Variants in CNTNAP2 observed in about 807,000 individuals in gnomAD.
The protein encoded by CNTNAP2 is contactin associated protein 2.
Under a neutral mutation model 155.2 loss-of-function variants are expected in CNTNAP2, and 98 were observed. That is an observed-to-expected ratio of 0.63 (90% confidence interval 0.54 to 0.75). The LOEUF (loss-of-function observed/expected upper bound fraction) is 0.75. CNTNAP2 is among the 30% of genes least tolerant of loss of function. CNTNAP2 has a pLI of 0.00. For synonymous variants in CNTNAP2, 651 were observed against 631.2 expected (o/e 1.03, Z -0.47); for missense variants, 1,727 against 1,688.1 (o/e 1.02, Z -0.40).
intron 13 of CNTNAP2, among the ~76,000 whole-genome samples, chr7:147,722,867 C>T (rs1270584793): frequency 1.3e-5 from 2 of 152,058 alleles, no homozygotes; most frequent in East Asian, 3.9e-4. Context: ...AAGCTAGAAT[C>T]ACTGTAAGAT....
intron 13 of CNTNAP2, among the ~76,000 whole-genome samples, chr7:147,837,415 G>A (rs541074819): frequency 6.6e-6 from 1 of 152,198 alleles, no homozygotes; most frequent in East Asian, 1.9e-4. Flanking sequence ...AATTGTGGGA[G>A]CTACAATTCA....
intron 1 of CNTNAP2, among the ~76,000 whole-genome samples, chr7:146,447,239 T>A (rs1277259386): frequency 1.3e-5 from 2 of 151,998 alleles, no homozygotes; most frequent in Non-Finnish European, 2.9e-5. Flanking sequence ...CAATGGAGAG[T>A]GTACGCCACA....
intron 1 of CNTNAP2, among the ~76,000 whole-genome samples, chr7:146,131,976 T>A (rs756691969): frequency 4.0e-4 from 61 of 152,210 alleles, no homozygotes; most frequent in Admixed American, 7.9e-4. Flanking sequence ...CTGCCGTGAT[T>A]GTAAGTTTCC....
At chr7:148,350,715 TC>T (rs1250914432) in intron 21 of CNTNAP2, among the ~76,000 whole-genome samples, 1 of 152,216 alleles carries the variant, frequency 6.6e-6, no homozygotes, top group Non-Finnish European at 1.5e-5. Flanking sequence ...CTTGTTGCAG[TC>T]ATATATTTCG....
chr7:146,784,625 C>T lies in CNTNAP2; in HGVS notation c.208+10244C>T, dbSNP rs185892259. Reference sequence around the variant, plus strand: ...CCATAGGAGACATCTTGGGCCACTTCCTACTTGTGTTCAATTGCCAAAATT... The same window carrying T: ...CCATAGGAGACATCTTGGGCCACTTTCTACTTGTGTTCAATTGCCAAAATT... On this transcript the variant is annotated intron_variant, in intron 2 of 23. Coordinates refer to ENST00000361727, the MANE Select transcript of CNTNAP2 (RefSeq NM_014141.6). 2.7e-3 allele frequency among the ~76,000 whole-genome samples: 415 copies of T among 152,314 alleles called. 2 individuals carry two copies. Among genetic ancestry groups the T allele is most frequent in the Admixed American group, 4.2e-3 (64 of 15,306 alleles).
At chr7:148,134,083 T>C (rs975852991) in intron 16 of CNTNAP2, among the ~76,000 whole-genome samples, 3 of 152,196 alleles carry the variant, frequency 2.0e-5, no homozygotes, top group Non-Finnish European at 4.4e-5. Flanking sequence ...TGTTAAGAGT[T>C]TGACAAATGA....
intron 1 of CNTNAP2, among the ~76,000 whole-genome samples, chr7:146,600,411 C>A (rs1423820670): frequency 1.3e-5 from 2 of 151,990 alleles, no homozygotes; most frequent in Non-Finnish European, 2.9e-5. Context: ...TTTAAAAAGA[C>A]GTTTTAAAAT....
rs576067717 is a variant in CNTNAP2, at chr7:147,255,953, C to T, written c.1349-44188C>T. Among the ~76,000 whole-genome samples the T allele has an allele frequency of 6.6e-5, 10 of 152,168 alleles. No homozygotes were observed. The East Asian group carries it at 1.6e-3, about 24-fold the overall frequency. On this transcript the variant is annotated intron_variant, in intron 8 of 23. Coordinates refer to ENST00000361727, the MANE Select transcript of CNTNAP2 (RefSeq NM_014141.6). ...ACAGGATTTCACTACATTGGCCAGG[C>T]TGGTCTCGAACTCCTCACCTCAAGG... is the stretch of plus-strand genomic sequence containing the variant.
intron 13 of CNTNAP2, among the ~76,000 whole-genome samples, chr7:147,820,780 A>T (rs76366542): frequency 0.063 from 9,518 of 152,188 alleles, 518 homozygotes; most frequent in East Asian, 0.18. Context: ...ACTTTCCTTA[A>T]TGAATTCCCT....
intron 1 of CNTNAP2, among the ~76,000 whole-genome samples, chr7:146,543,428 C>T (rs1392067277): frequency 2.6e-5 from 4 of 151,782 alleles, no homozygotes; most frequent in Non-Finnish European, 5.9e-5. Context: ...AGCCCCCTCC[C>T]ATAAGTAAGG....
intron 1 of CNTNAP2, among the ~76,000 whole-genome samples, chr7:146,131,759 T>A (rs11976270): frequency 3.3e-5 from 5 of 151,970 alleles, no homozygotes; most frequent in African/African-American, 9.7e-5. Context: ...ATGGTTTGGC[T>A]CTGTGTCCCC....
At chr7:146,274,822 T>C (rs777066033) in intron 1 of CNTNAP2, among the ~76,000 whole-genome samples, 5 of 152,172 alleles carry the variant, frequency 3.3e-5, no homozygotes, top group Non-Finnish European at 7.4e-5. Flanking sequence ...TTAACCTACA[T>C]TTCGAGCAAA....
At chr7:148,065,206 C>T (rs200157779) in intron 15 of CNTNAP2, among the ~76,000 whole-genome samples, 2 of 152,092 alleles carry the variant, frequency 1.3e-5, no homozygotes, top group African/African-American at 4.8e-5. Flanking sequence ...GTTTTGTGGC[C>T]TATCATATGG....
chr7:148,056,709 A>G (rs1803017436), intron 15 of CNTNAP2: 1 of 152,164 alleles, frequency 6.6e-6, no homozygotes, highest in African/African-American at 2.4e-5. Flanking sequence ...TGGTTCAAAT[A>G]TTTTTGTACA....
At chr7:147,969,098 T>C (rs375699543) in intron 14 of CNTNAP2, among the ~76,000 whole-genome samples, 20 of 152,198 alleles carry the variant, frequency 1.3e-4, no homozygotes, top group African/African-American at 4.8e-4. Flanking sequence ...AATGTCTTGC[T>C]CTATATGGTG....
intron 5 of CNTNAP2, among the ~76,000 whole-genome samples, chr7:147,116,091 G>A (rs368771674): frequency 1.2e-3 from 177 of 152,228 alleles, no homozygotes; most frequent in African/African-American, 4.2e-3. Flanking sequence ...GGTTTGCTGG[G>A]AGTCCACTCG....
At position 146,157,329 on chromosome 7, in the gene CNTNAP2, G is replaced by A. The variant is rs199936214; in HGVS notation, c.97+40356G>A. ...ACAGCTCCAGTCTGCAGCTCCCAGC[G>A]TGAGCAACGCAGAAGATGGGTGATT... On this transcript the variant is annotated intron_variant, in intron 1 of 23. Transcript: ENST00000361727. Among the ~76,000 whole-genome samples the A allele has an allele frequency of 4.0e-4, 61 of 152,318 alleles. No individual in the cohort carries two copies. The South Asian group carries it at 9.1e-3, about 23-fold the overall frequency.
At chr7:147,870,207 G>T (rs1287174575) in intron 13 of CNTNAP2, among the ~76,000 whole-genome samples, 2 of 152,130 alleles carry the variant, frequency 1.3e-5, no homozygotes, top group African/African-American at 2.4e-5. Context: ...AGTTGCAGGA[G>T]CCTAACTGAG....
intron 1 of CNTNAP2, among the ~76,000 whole-genome samples, chr7:146,663,896 G>C (rs952750154): frequency 2.0e-5 from 3 of 149,888 alleles, no homozygotes; most frequent in South Asian, 2.1e-4. Flanking sequence ...ACATTGATTA[G>C]GACCTCTAGG....
Sources: allele counts gnomAD v4.1 joint callset (sites outside exome capture counted in the v4.1 genomes callset), GRCh38; gene constraint gnomAD v4.1.1; transcripts MANE v1.5; gene names NCBI Gene and HGNC (gene_info 2026-07-23, HGNC 2026-07-21).